CSMD1: variants seen among roughly 807,000 people sequenced by gnomAD.
CSMD1 encodes CUB and Sushi multiple domains 1.
In CSMD1, 213 loss-of-function variants were observed where a neutral mutation model predicts 417.5. That is an observed-to-expected ratio of 0.51 (90% CI 0.46 to 0.57). The LOEUF (loss-of-function observed/expected upper bound fraction) is 0.57, where lower values mean the gene tolerates loss of function less well. CSMD1 is among the 20% of genes least tolerant of loss of function. The pLI, the probability that CSMD1 is intolerant of heterozygous loss-of-function variation, is 0.00. For synonymous variants in CSMD1, 2,862 were observed against 1,736.8 expected (o/e 1.65, Z -16.11); for missense variants, 6,923 against 4,529.7 (o/e 1.53, Z -15.17).
chr8:4,043,741 C>CT (rs1208078123), intron 3 of CSMD1, among the ~76,000 whole-genome samples: 2 of 152,236 alleles, frequency 1.3e-5, no homozygotes, highest in Admixed American at 1.3e-4. Context: ...CTAATAGATA[C>CT]TATTGATATC....
intron 8 of CSMD1, among the ~76,000 whole-genome samples, chr8:3,615,406 T>G (rs1802085665): frequency 6.6e-6 from 1 of 152,160 alleles, no homozygotes; most frequent in African/African-American, 2.4e-5. Context: ...AGACCACTTT[T>G]CCAATAAATC....
chr8:4,364,353 A>AG (rs1801947906), intron 3 of CSMD1, among the ~76,000 whole-genome samples: 2 of 152,184 alleles, frequency 1.3e-5, no homozygotes, highest in Admixed American at 1.3e-4. Flanking sequence ...ATCTTACCTA[A>AG]GAAAACAGCT....
At chr8:3,677,187 G>A (rs1001232716) in intron 7 of CSMD1, among the ~76,000 whole-genome samples, 2 of 151,896 alleles carry the variant, frequency 1.3e-5, no homozygotes, top group South Asian at 4.1e-4. Context: ...AAAGAAACAC[G>A]TATATAAGAC....
chr8:3,625,613 G>C (rs1043808273), intron 7 of CSMD1, among the ~76,000 whole-genome samples: 1 of 151,872 alleles, frequency 6.6e-6, no homozygotes, highest in Non-Finnish European at 1.5e-5. Context: ...ATACATTTCA[G>C]CTTCTAATGC....
At chr8:4,103,870 C>T (rs138762135) in intron 3 of CSMD1, among the ~76,000 whole-genome samples, 4 of 152,198 alleles carry the variant, frequency 2.6e-5, no homozygotes. Context: ...GGTGCTATAT[C>T]TCTTGCAGTT....
intron 62 of CSMD1, among the ~76,000 whole-genome samples, 200 bp downstream of exon 62, chr8:2,960,939 GAT>G (rs3076013): frequency 0.076 from 9,218 of 121,898 alleles, 376 homozygotes; most frequent in East Asian, 0.15. Context: ...TAGTAAGCAA[GAT>G]ATATATATAT....
chr8:4,012,672 CT>C (rs1796326816), intron 4 of CSMD1, among the ~76,000 whole-genome samples: 1 of 152,140 alleles, frequency 6.6e-6, no homozygotes, highest in Non-Finnish European at 1.5e-5. Context: ...TGAATTCCAG[CT>C]TTATGTATCC....
intron 15 of CSMD1, among the ~76,000 whole-genome samples, chr8:3,404,832 T>G (rs1812249288): frequency 6.6e-6 from 1 of 152,176 alleles, no homozygotes; most frequent in South Asian, 2.1e-4. Flanking sequence ...GAGCTTATGA[T>G]CTTTGTATTG....
intron 4 of CSMD1, among the ~76,000 whole-genome samples, chr8:4,026,804 G>C (rs992394827): frequency 2.0e-5 from 3 of 152,198 alleles, no homozygotes; most frequent in Non-Finnish European, 4.4e-5. Context: ...AAATGATTAA[G>C]ATTTATGGCT....
At chr8:4,641,049 C>CATAT (rs141969306) in intron 1 of CSMD1, among the ~76,000 whole-genome samples, 15 of 149,520 alleles carry the variant, frequency 1.0e-4, no homozygotes, top group African/African-American at 3.7e-4. Flanking sequence ...ATTTCAATTT[C>CATAT]ATATATATAT....
At chr8:3,817,765 C>G (rs1801471931) in intron 5 of CSMD1, among the ~76,000 whole-genome samples, 1 of 152,102 alleles carries the variant, frequency 6.6e-6, no homozygotes, top group African/African-American at 2.4e-5. Context: ...CAGAGGTCTT[C>G]CAAAAGCCCC....
At chr8:3,492,184 G>A (rs1393732498) in intron 11 of CSMD1, among the ~76,000 whole-genome samples, 1 of 152,166 alleles carries the variant, frequency 6.6e-6, no homozygotes, top group African/African-American at 2.4e-5. Flanking sequence ...GAGAAGCCAA[G>A]ATGTTTGATT....
chr8:4,867,842 A>T (rs902155390), intron 1 of CSMD1, among the ~76,000 whole-genome samples: 2 of 152,090 alleles, frequency 1.3e-5, no homozygotes, highest in Admixed American at 1.3e-4. Flanking sequence ...CAGAGTGTAA[A>T]TTCTCAATAT....
intron 3 of CSMD1, among the ~76,000 whole-genome samples, chr8:4,105,085 G>A (rs766097134): frequency 2.6e-5 from 4 of 152,140 alleles, no homozygotes; most frequent in Non-Finnish European, 4.4e-5. Flanking sequence ...AGTAAAGACA[G>A]CAAGGGAGGG....
chr8:4,056,686 T>G (rs922554410), intron 3 of CSMD1, among the ~76,000 whole-genome samples: 4 of 147,410 alleles, frequency 2.7e-5, no homozygotes, highest in South Asian at 2.3e-4. Flanking sequence ...CCCTCCCCAC[T>G]CCCCCCACCC....
At chr8:4,021,787 C>A (rs1050658527) in intron 4 of CSMD1, among the ~76,000 whole-genome samples, 10 of 152,124 alleles carry the variant, frequency 6.6e-5, no homozygotes, top group African/African-American at 2.4e-4. Context: ...AATGAAGAAG[C>A]CATTTAGTGA....
At chr8:3,664,762 A>T (rs1162158566) in intron 7 of CSMD1, among the ~76,000 whole-genome samples, 1 of 152,228 alleles carries the variant, frequency 6.6e-6, no homozygotes, top group Non-Finnish European at 1.5e-5. Flanking sequence ...CATTGAAAAT[A>T]AAGAGTACAT....
At chr8:4,507,911 A>T (rs1216246384) in intron 2 of CSMD1, among the ~76,000 whole-genome samples, 2 of 152,138 alleles carry the variant, frequency 1.3e-5, no homozygotes, top group African/African-American at 4.8e-5. Context: ...GATATTTGGA[A>T]TTATGTGAAT....
In CSMD1 at chr8:4,389,418, G is replaced by T. The variant is rs181559000; in HGVS notation, c.415+30535C>A. On this transcript the variant is annotated intron_variant, in intron 3 of 69. Transcript: ENST00000635120. ...CCAGAATTAGACCATAGAAACATAC[G>T]AAAATCTCACATAAACAAAACAAAG... Among the ~76,000 whole-genome samples, 5 of 152,118 alleles carry T rather than the reference G, an allele frequency of 3.3e-5. No homozygotes were observed. In the South Asian group the frequency reaches 8.3e-4, roughly 25 times the overall value.
Sources: allele counts gnomAD v4.1 joint callset (sites outside exome capture counted in the v4.1 genomes callset), GRCh38; gene constraint gnomAD v4.1.1; transcripts MANE v1.5; gene names NCBI Gene and HGNC (gene_info 2026-07-23, HGNC 2026-07-21).